ZFHX3: variants seen among roughly 807,000 people sequenced by gnomAD.
The protein encoded by ZFHX3 is zinc finger homeobox 3.
In ZFHX3, 42 loss-of-function variants were observed where a neutral mutation model predicts 279.1. The ratio of observed to expected loss-of-function variants is 0.15; its 90% CI spans 0.12 to 0.19. The LOEUF is 0.19. Ranked by LOEUF, ZFHX3 falls within the 10% of genes least tolerant of loss-of-function variation. The pLI, the probability that ZFHX3 is intolerant of heterozygous loss-of-function variation, is 1.00. For missense variants in ZFHX3, 4,981 were observed against 4,754.0 expected (o/e 1.05, Z -1.40); for synonymous variants, 2,293 against 1,957.8 (o/e 1.17, Z -4.52).
At chr16:73,223,117 C>T (rs117567826) in intron 5 of ZFHX3, among the ~76,000 whole-genome samples, 1 of 152,156 alleles carries the variant, frequency 6.6e-6, no homozygotes, top group Non-Finnish European at 1.5e-5. Context: ...TGTAAAACTC[C>T]TAGATAACAA....
In ZFHX3 at chr16:72,957,578, G is replaced by A. The variant is rs1181169491; in HGVS notation, c.2568C>T (p.Pro856=). The A allele has an allele frequency of 5.6e-6, 9 of 1,613,748 alleles. No individual in the cohort carries two copies. Among genetic ancestry groups the A allele is most frequent in the East Asian group, 2.2e-5 (1 of 44,772 alleles). The change falls in exon 2 of 10, where the codon CCC becomes CCT. Residue 856 remains proline (P), a synonymous_variant. Transcript: ENST00000268489. ...RHLGLGSLPS[P]AEAELYQYYL... ...AGTATTGGTAGAGCTCGGCCTCGGC[G>A]GGTGAGGGCAGGCTGCCGAGGCCCA...
intron 3 of ZFHX3, among the ~76,000 whole-genome samples, chr16:73,383,744 T>C (rs1300179359): frequency 1.3e-5 from 2 of 152,154 alleles, no homozygotes; most frequent in African/African-American, 2.4e-5. Flanking sequence ...TCCGGCCAAA[T>C]TGAGGATGCT....
At chr16:73,614,580 A>C (rs563014835) in intron 2 of ZFHX3, among the ~76,000 whole-genome samples, 9 of 152,252 alleles carry the variant, frequency 5.9e-5, no homozygotes, top group African/African-American at 2.2e-4. Flanking sequence ...GCTTTCTCTC[A>C]GTGTTGAAAT....
At chr16:73,254,830 G>A (rs991018931) in intron 5 of ZFHX3, among the ~76,000 whole-genome samples, 2 of 152,008 alleles carry the variant, frequency 1.3e-5, no homozygotes, top group African/African-American at 2.4e-5. Context: ...TAAAGCTGCA[G>A]GTGGAAGGGG....
At chr16:73,663,016 T>C (rs1384325420) in intron 2 of ZFHX3, among the ~76,000 whole-genome samples, 1 of 152,142 alleles carries the variant, frequency 6.6e-6, no homozygotes, top group Non-Finnish European at 1.5e-5. Context: ...TAAAAGCTGC[T>C]ATAGGCATAC....
chr16:73,141,013 C>T (rs1303161748), intron 6 of ZFHX3, among the ~76,000 whole-genome samples: 4 of 152,188 alleles, frequency 2.6e-5, no homozygotes, highest in South Asian at 4.1e-4. Flanking sequence ...CACCCCACCC[C>T]ATAGCATAAT....
At chr16:73,219,256 A>G (rs531736243) in intron 5 of ZFHX3, among the ~76,000 whole-genome samples, 3 of 152,342 alleles carry the variant, frequency 2.0e-5, no homozygotes, top group African/African-American at 7.2e-5. Flanking sequence ...CAAAATTCAC[A>G]GAAACAGCAT....
At chr16:73,253,683 C>T (rs2144959807) in intron 5 of ZFHX3, among the ~76,000 whole-genome samples, 1 of 152,042 alleles carries the variant, frequency 6.6e-6, no homozygotes, top group African/African-American at 2.4e-5. Context: ...TCTTGATCTC[C>T]TGACCTCGTG....
chr16:73,248,575 G>A (rs1275477226), intron 5 of ZFHX3, among the ~76,000 whole-genome samples: 1 of 151,586 alleles, frequency 6.6e-6, no homozygotes. Context: ...ATGTGTCTGT[G>A]TGTATATGTG....
rs2143397384 is a variant in ZFHX3, at chr16:72,794,289, G to A, written c.8393C>T (p.Thr2798Ile). ...VSKTMELSPR[T>I]LLSPSSIKVE... is the part of the protein sequence containing the mutation. Reference sequence around the variant, plus strand: ...CTTAATGGAGGAAGGGCTTAGAAGAGTTCTGGGTGACAATTCCATGGTTTT... The same window carrying A: ...CTTAATGGAGGAAGGGCTTAGAAGAATTCTGGGTGACAATTCCATGGTTTT... Residue 2798 changes from threonine (T) to isoleucine (I), a missense_variant, in exon 9 of 10, where the codon ACT becomes ATT. By Grantham distance (89) the Thr-to-Ile change is moderately conservative (BLOSUM62 -1). Coordinates refer to ENST00000268489, the MANE Select transcript of ZFHX3 (RefSeq NM_006885.4). The surrounding 1 kb of genome is among the most constrained non-coding windows in gnomAD (Gnocchi z 4.2). 6.2e-7 allele frequency: 1 copy of A among 1,612,222 alleles called. No homozygotes were observed. Among genetic ancestry groups the A allele is most frequent in the Non-Finnish European group, 8.5e-7 (1 of 1,178,842 alleles).
chr16:73,793,058 G>A (rs1332037459), intron 1 of ZFHX3, among the ~76,000 whole-genome samples: 1 of 152,220 alleles, frequency 6.6e-6, no homozygotes, highest in Non-Finnish European at 1.5e-5. Context: ...GCAGACAGCA[G>A]ACAGGGGGAC....
intron 2 of ZFHX3, among the ~76,000 whole-genome samples, chr16:73,474,618 G>A (rs773797567): frequency 9.2e-5 from 14 of 152,134 alleles, no homozygotes; most frequent in Non-Finnish European, 1.3e-4. Flanking sequence ...TCAGCCCCCT[G>A]AGTTTTCTTT....
At chr16:73,570,178 G>A (rs971211871) in intron 2 of ZFHX3, among the ~76,000 whole-genome samples, 2 of 152,100 alleles carry the variant, frequency 1.3e-5, no homozygotes, top group Non-Finnish European at 2.9e-5. Context: ...TTGCTCTGCC[G>A]TAAGCTTTCA....
At chr16:72,858,753 T>C (rs908403677) in intron 4 of ZFHX3, among the ~76,000 whole-genome samples, 1 of 152,210 alleles carries the variant, frequency 6.6e-6, no homozygotes, top group Non-Finnish European at 1.5e-5. Context: ...GAGGAAGAGA[T>C]GTGGACCTGG....
intron 3 of ZFHX3, among the ~76,000 whole-genome samples, chr16:73,346,152 C>T (rs1340367768): frequency 6.6e-6 from 1 of 152,116 alleles, no homozygotes; most frequent in Non-Finnish European, 1.5e-5. Context: ...TCAAATCGTC[C>T]CCAACTCAAT....
chr16:73,754,349 G>C (rs1387464413), intron 1 of ZFHX3, among the ~76,000 whole-genome samples: 1 of 152,018 alleles, frequency 6.6e-6, no homozygotes, highest in Non-Finnish European at 1.5e-5. Flanking sequence ...GGTGACACAG[G>C]CTAGAGAATT....
rs141532434 is a variant in ZFHX3 at position 73,069,863 on chromosome 16, T to C, written c.-532-10851A>G. On this transcript the variant is annotated intron_variant, in intron 8 of 17. Coordinates refer to the ZFHX3 transcript ENST00000641206. ...CAATCCAAAATTGTTCGAAGAGTGA[T>C]CTAAATGAGATATTTCATCATGGAC... 2.1e-3 allele frequency among the ~76,000 whole-genome samples: 315 copies of C among 152,328 alleles called. 1 individual carries two copies. Among genetic ancestry groups the C allele is most frequent in the Admixed American group, 7.8e-3 (119 of 15,310 alleles).
At chr16:73,083,030 A>T (rs1388069298) in intron 8 of ZFHX3, among the ~76,000 whole-genome samples, 26 of 16,984 alleles carry the variant, frequency 1.5e-3, no homozygotes, top group Admixed American at 0.015. Context: ...CTAAAAAAAA[A>T]AAAAAAAAAA....
chr16:73,377,732 G>A (rs1449826869), intron 3 of ZFHX3, among the ~76,000 whole-genome samples: 1 of 148,902 alleles, frequency 6.7e-6, no homozygotes, highest in Non-Finnish European at 1.5e-5. Flanking sequence ...GGAGATTTTT[G>A]TATTTAAATA....
Sources: allele counts gnomAD v4.1 joint callset (sites outside exome capture counted in the v4.1 genomes callset), GRCh38; gene constraint gnomAD v4.1.1; non-coding constraint Gnocchi (gnomAD v3.1); transcripts MANE v1.5; gene names NCBI Gene and HGNC (gene_info 2026-07-23, HGNC 2026-07-21).